WWOX: variants seen among roughly 807,000 people sequenced by gnomAD.
WWOX encodes WW domain-containing oxidoreductase.
WWOX carries 69 observed loss-of-function variants against 46.2 expected under a neutral mutation model. The observed-to-expected ratio is 1.49, with a 90% confidence interval of 1.23 to 1.82. WWOX has a LOEUF of 1.82. WWOX is among the 40% of genes most tolerant of loss of function. The probability of loss-of-function intolerance (pLI) is 0.00; values close to 1 mark genes in which losing one functional copy is unlikely to be tolerated. For synonymous variants in WWOX, 359 were observed against 202.6 expected, an observed-to-expected ratio of 1.77 and a Z score of -6.56; for missense variants, 919 against 542.6, an observed-to-expected ratio of 1.69 and a Z score of -6.89.
intron 8 of WWOX, among the ~76,000 whole-genome samples, chr16:78,484,129 T>A (rs946743787): frequency 6.6e-6 from 1 of 152,236 alleles, no homozygotes; most frequent in Non-Finnish European, 1.5e-5. Context: ...TTTTTGCATA[T>A]GTATGTAGTG....
chr16:79,196,671 T>C (rs2051246823), intron 8 of WWOX, among the ~76,000 whole-genome samples: 1 of 152,068 alleles, frequency 6.6e-6, no homozygotes, highest in East Asian at 1.9e-4. Context: ...TCCTGTACAC[T>C]ACCTCCAGAC....
intron 8 of WWOX, among the ~76,000 whole-genome samples, chr16:78,817,860 T>C (rs139875541): frequency 2.4e-4 from 36 of 152,316 alleles, no homozygotes; most frequent in African/African-American, 8.4e-4. Flanking sequence ...AGCCTTCTTA[T>C]TGTCATAGGT....
At chr16:78,796,814 T>G (rs2050749121) in intron 8 of WWOX, among the ~76,000 whole-genome samples, 2 of 149,080 alleles carry the variant, frequency 1.3e-5, no homozygotes, top group Admixed American at 1.4e-4. Context: ...ATCCCATGTT[T>G]CTTTATCTTC....
intron 8 of WWOX, among the ~76,000 whole-genome samples, chr16:78,912,069 C>G (rs978969251): frequency 3.3e-5 from 5 of 151,926 alleles, no homozygotes; most frequent in Non-Finnish European, 7.4e-5. Context: ...CAATTATGGC[C>G]TTCATGAGTC....
At chr16:78,354,672 T>C (rs1344379242) in intron 5 of WWOX, among the ~76,000 whole-genome samples, 1 of 151,662 alleles carries the variant, frequency 6.6e-6, no homozygotes, top group Non-Finnish European at 1.5e-5. Context: ...TTTTGTTTTT[T>C]GGTTCAATGT....
At chr16:78,292,264 G>A (rs1009151171) in intron 5 of WWOX, among the ~76,000 whole-genome samples, 5 of 152,080 alleles carry the variant, frequency 3.3e-5, no homozygotes, top group African/African-American at 1.2e-4. Flanking sequence ...ATCCTAAGGC[G>A]TGGCCCATAG....
In WWOX at chr16:78,882,473, A is replaced by G. The variant is rs994199803; in HGVS notation, c.1057-329135A>G. Among the ~76,000 whole-genome samples, 14 of 130,862 alleles carry G rather than the reference A, an allele frequency of 1.1e-4. No homozygotes were observed. The South Asian group carries it at 3.6e-3, about 34-fold the overall frequency. 85.9% of individuals were successfully genotyped at this position (130,862 alleles called of 152,430 possible). On this transcript the variant is annotated intron_variant, in intron 8 of 8. Transcript: ENST00000566780. ...AGAAGGTTCTGTTAACACACCATAC[A>G]TCTTTTTTTTTTTTTTTAATTGAGA...
At chr16:78,518,585 A>G (rs1279590840) in intron 8 of WWOX, among the ~76,000 whole-genome samples, 1 of 152,210 alleles carries the variant, frequency 6.6e-6, no homozygotes, top group Non-Finnish European at 1.5e-5. Flanking sequence ...CCATTTCTAC[A>G]CAATGGAAAC....
At position 78,339,056 on chromosome 16, in the gene WWOX, A is replaced by G. The variant is rs1392003041; in HGVS notation, c.517-47804A>G. On this transcript the variant is annotated intron_variant, in intron 5 of 8. Transcript: ENST00000566780. Reference sequence around the variant, plus strand: ...CTGTAGGTTTTTCAATAAGAAGGAAATTTAGCTTCCTTCTACTTTGGTGCC... The same window carrying G: ...CTGTAGGTTTTTCAATAAGAAGGAAGTTTAGCTTCCTTCTACTTTGGTGCC... 1.7e-5 allele frequency among the ~76,000 whole-genome samples: 2 copies of G among 120,182 alleles called. 1 individual carries two copies. The highest frequency in any genetic ancestry group is 4.0e-5 in the Non-Finnish European group (2 of 50,434). 78.8% of individuals were successfully genotyped at this position (120,182 alleles called of 152,430 possible).
At chr16:78,311,330 A>G (rs988941837) in intron 5 of WWOX, among the ~76,000 whole-genome samples, 12 of 152,214 alleles carry the variant, frequency 7.9e-5, no homozygotes, top group African/African-American at 2.9e-4. Context: ...TAAGCAATGA[A>G]CACTTAACAG....
chr16:78,504,484 C>T lies in WWOX; in HGVS notation c.1056+71732C>T, dbSNP rs571408627. ...TACAAATTGTCCAGGGTTTCCACCT[C>T]GCAGTTTTCTTCCAGGGTTGCTATG... On this transcript the variant is annotated intron_variant, in intron 8 of 8. Coordinates refer to ENST00000566780, the MANE Select transcript of WWOX (RefSeq NM_016373.4). Among the ~76,000 whole-genome samples, 104 of 152,310 alleles carry T rather than the reference C, an allele frequency of 6.8e-4. 1 individual carries two copies. Among genetic ancestry groups the T allele is most frequent in the Non-Finnish European group, 2.9e-4 (20 of 68,040 alleles).
At chr16:78,860,099 C>G (rs968230675) in intron 8 of WWOX, among the ~76,000 whole-genome samples, 2 of 152,260 alleles carry the variant, frequency 1.3e-5, no homozygotes, top group Middle Eastern at 6.8e-3. Flanking sequence ...AACACATAAA[C>G]TTTTGGCTGG....
intron 8 of WWOX, among the ~76,000 whole-genome samples, chr16:78,466,538 T>C (rs911947314): frequency 6.6e-6 from 1 of 152,164 alleles, no homozygotes; most frequent in East Asian, 1.9e-4. Context: ...TGTTGTTTTT[T>C]AAATATTCCA....
At chr16:78,517,210 TATC>T (rs774198495) in intron 8 of WWOX, among the ~76,000 whole-genome samples, 62 of 152,292 alleles carry the variant, frequency 4.1e-4, no homozygotes, top group Middle Eastern at 3.4e-3. Flanking sequence ...TCAAGGAGCT[TATC>T]ATCTATTATT....
At chr16:78,713,814 C>G (rs187989729) in intron 8 of WWOX, among the ~76,000 whole-genome samples, 1 of 152,230 alleles carries the variant, frequency 6.6e-6, no homozygotes. Flanking sequence ...TATGGCAACC[C>G]CTGTAGATAA....
intron 8 of WWOX, among the ~76,000 whole-genome samples, chr16:78,769,731 A>C (rs1237926281): frequency 1.3e-5 from 2 of 151,620 alleles, no homozygotes; most frequent in Non-Finnish European, 2.9e-5. Context: ...GGCCGAGCAC[A>C]GTGACTCATG....
At chr16:78,626,717 C>T (rs1039061245) in intron 8 of WWOX, among the ~76,000 whole-genome samples, 7 of 152,140 alleles carry the variant, frequency 4.6e-5, no homozygotes, top group Admixed American at 2.6e-4. Context: ...TTAATGTTCT[C>T]ACTCTTCGAG....
At chr16:79,013,572 A>G (rs2151378567) in intron 8 of WWOX, among the ~76,000 whole-genome samples, 1 of 152,282 alleles carries the variant, frequency 6.6e-6, no homozygotes, top group South Asian at 2.1e-4. Context: ...GACACTGCTC[A>G]GTGTACTGTC....
rs923215865 is a variant in WWOX at position 79,121,530 on chromosome 16, C to G, written c.1057-90078C>G. Among the ~76,000 whole-genome samples, 5 of 152,130 alleles carry G rather than the reference C, an allele frequency of 3.3e-5. No homozygotes were observed. In the South Asian group the frequency reaches 1.0e-3, roughly 32 times the overall value. ...GCTGTGGGATGGGTACATAGACACT[C>G]GTCTACTTGAACTTCCAGGGACTCG... On this transcript the variant is annotated intron_variant, in intron 8 of 8. Transcript: ENST00000566780.
Sources: gnomAD v4.1 joint callset for allele counts (sites outside exome capture counted in the v4.1 genomes callset) on GRCh38, gnomAD v4.1.1 for gene constraint, MANE v1.5 for transcripts, NCBI Gene and HGNC (gene_info 2026-07-23, HGNC 2026-07-21) for gene names.